The following CCDC102B variants were observed in gnomAD, a reference collection of about 807,000 sequenced individuals.
The protein encoded by CCDC102B is coiled-coil domain containing 102B, also known as coiled-coil domain-containing protein 102B.
CCDC102B carries 75 observed loss-of-function variants against 57.4 expected under a neutral mutation model. The observed-to-expected ratio is 1.31, with a 90% CI of 1.08 to 1.58. The LOEUF (loss-of-function observed/expected upper bound fraction) is 1.58, where lower values mean the gene tolerates loss of function less well. Among genes scored for constraint, CCDC102B ranks in the 40% most tolerant of loss-of-function variants. CCDC102B has a pLI of 0.00. For synonymous variants in CCDC102B, 206 were observed against 201.9 expected, an observed-to-expected ratio of 1.02 and a Z score of -0.17; for missense variants, 636 against 582.6, an observed-to-expected ratio of 1.09 and a Z score of -0.94.
intron 6 of CCDC102B, among the ~76,000 whole-genome samples, chr18:69,010,199 C>T (rs1432504508): frequency 1.3e-5 from 2 of 150,180 alleles, no homozygotes; most frequent in Non-Finnish European, 3.0e-5. Flanking sequence ...GCCTCGGCCT[C>T]CCAAAGTGCT....
At chr18:68,783,116 T>C (rs2035064403) in intron 2 of CCDC102B, among the ~76,000 whole-genome samples, 1 of 152,136 alleles carries the variant, frequency 6.6e-6, no homozygotes, top group Non-Finnish European at 1.5e-5. Context: ...GTACGATTGG[T>C]TCGCTTATTT....
At chr18:69,001,044 C>T (rs1390234185) in intron 6 of CCDC102B, among the ~76,000 whole-genome samples, 1 of 152,142 alleles carries the variant, frequency 6.6e-6, no homozygotes, top group Non-Finnish European at 1.5e-5. Flanking sequence ...TGCACCCACA[C>T]ACTCAAATGC....
chr18:68,914,097 C>A (rs907937518), intron 6 of CCDC102B, among the ~76,000 whole-genome samples: 4 of 152,164 alleles, frequency 2.6e-5, no homozygotes, highest in Non-Finnish European at 4.4e-5. Flanking sequence ...ATTATAATAA[C>A]CTTTGCAATA....
chr18:68,810,676 C>CTTTGTTT (rs2144710044), intron 1 of CCDC102B, among the ~76,000 whole-genome samples: 1 of 57,482 alleles, frequency 1.7e-5, no homozygotes, highest in African/African-American at 5.1e-5. Flanking sequence ...CTTTTCTTTT[C>CTTTGTTT]TTTGTTTTTT....
intron 7 of CCDC102B, among the ~76,000 whole-genome samples, chr18:69,050,782 A>G (rs1262083021): frequency 6.6e-6 from 1 of 152,186 alleles, no homozygotes; most frequent in Non-Finnish European, 1.5e-5. Context: ...AATAAAATGG[A>G]GTTTATTTTA....
At chr18:68,765,317 G>GAAAGAAAGAAAAGAAAGA (rs770470803) in intron 2 of CCDC102B, among the ~76,000 whole-genome samples, 1 of 45,644 alleles carries the variant, frequency 2.2e-5, no homozygotes, top group Admixed American at 2.7e-4. Flanking sequence ...AGGAAGGAAG[G>GAAAGAAAGAAAAGAAAGA]AAGGAAGGAA....
intron 6 of CCDC102B, among the ~76,000 whole-genome samples, chr18:68,940,983 A>C (rs1352743096): frequency 6.6e-6 from 1 of 151,946 alleles, no homozygotes; most frequent in African/African-American, 2.4e-5. Context: ...CTATTAAGAA[A>C]ATCAACAATC....
chr18:68,910,788 C>A (rs1412447481), intron 6 of CCDC102B, among the ~76,000 whole-genome samples: 1 of 152,146 alleles, frequency 6.6e-6, no homozygotes, highest in African/African-American at 2.4e-5. Flanking sequence ...CCTCTGAAAT[C>A]TTTCTTCTTT....
intron 7 of CCDC102B, among the ~76,000 whole-genome samples, chr18:69,049,073 G>C (rs1455113130): frequency 6.6e-6 from 1 of 151,280 alleles, no homozygotes; most frequent in East Asian, 1.9e-4. Context: ...TAAGTTCTGG[G>C]ATACATGTGC....
At chr18:68,932,393 G>A (rs1305821312) in intron 6 of CCDC102B, among the ~76,000 whole-genome samples, 1 of 151,834 alleles carries the variant, frequency 6.6e-6, no homozygotes, top group Non-Finnish European at 1.5e-5. Context: ...TAATGGAGAA[G>A]CAGTACTTTT....
chr18:68,883,604 T>C (rs1228260390), intron 5 of CCDC102B, among the ~76,000 whole-genome samples: 2 of 152,176 alleles, frequency 1.3e-5, no homozygotes, highest in Non-Finnish European at 1.5e-5. Flanking sequence ...GAAGGTTTTT[T>C]ATCTGGAAAA....
intron 4 of CCDC102B, among the ~76,000 whole-genome samples, chr18:68,849,929 C>G (rs964268948): frequency 6.6e-6 from 1 of 152,090 alleles, no homozygotes; most frequent in Non-Finnish European, 1.5e-5. Flanking sequence ...CAGCTGGACA[C>G]TAGGCCATCT....
At chr18:68,828,750 ATATTTAAAT>A (rs973326626) in intron 1 of CCDC102B, among the ~76,000 whole-genome samples, 1 of 151,746 alleles carries the variant, frequency 6.6e-6, no homozygotes, top group African/African-American at 2.4e-5. Flanking sequence ...TTATTTAAAA[ATATTTAAAT>A]TGTTATTTCT....
chr18:68,732,106 C>T (rs1381656728), intron 2 of CCDC102B, among the ~76,000 whole-genome samples: 2 of 150,392 alleles, frequency 1.3e-5, no homozygotes, highest in East Asian at 4.1e-4. Flanking sequence ...CATTAAAGTT[C>T]AGAAAATGGA....
At chr18:68,889,544 C>T (rs150493290) in intron 5 of CCDC102B, among the ~76,000 whole-genome samples, 70 of 152,180 alleles carry the variant, frequency 4.6e-4, no homozygotes, top group Middle Eastern at 3.4e-3. Flanking sequence ...CTCAGCCTCC[C>T]GAGTAGCTGG....
Position 68,890,822 on chromosome 18 carries a change from G to C in CCDC102B, c.1054-6397G>C, listed in dbSNP as rs182089718. ...AGTAACAATAGACTACTACTCCTTTGTATGAATATACTGAGATTTATCTAT... is the reference window on the plus strand; with the variant it reads ...AGTAACAATAGACTACTACTCCTTTCTATGAATATACTGAGATTTATCTAT... On this transcript the variant is annotated intron_variant, in intron 5 of 7. Transcript: ENST00000360242. 2.6e-5 allele frequency among the ~76,000 whole-genome samples: 4 copies of C among 152,040 alleles called. No homozygotes were observed. The East Asian group carries it at 7.7e-4, about 29-fold the overall frequency.
intron 1 of CCDC102B, among the ~76,000 whole-genome samples, chr18:68,831,682 G>A (rs143244105): frequency 8.9e-4 from 136 of 152,194 alleles, no homozygotes; most frequent in African/African-American, 3.0e-3. Flanking sequence ...TTGCTACAGC[G>A]TAAGGATTTT....
chr18:69,011,717 A>G (rs1017430966), intron 7 of CCDC102B, among the ~76,000 whole-genome samples: 4 of 151,736 alleles, frequency 2.6e-5, no homozygotes, highest in Non-Finnish European at 5.9e-5. Context: ...CTTAAATGTC[A>G]CTGATTGTGG....
chr18:68,842,337 G>C (rs2144804197), intron 3 of CCDC102B, among the ~76,000 whole-genome samples: 1 of 151,816 alleles, frequency 6.6e-6, no homozygotes, highest in East Asian at 1.9e-4. Context: ...AGCTTATTTT[G>C]TTACTTTATT....
Sources: gnomAD v4.1 joint callset for allele counts (sites outside exome capture counted in the v4.1 genomes callset) on GRCh38, gnomAD v4.1.1 for gene constraint, MANE v1.5 for transcripts, NCBI Gene and HGNC (gene_info 2026-07-23, HGNC 2026-07-21) for gene names.